Variants in MRAP observed in about 807,000 individuals in gnomAD.
The protein encoded by MRAP is melanocortin 2 receptor accessory protein, also known as melanocortin-2 receptor accessory protein.
MRAP carries 8 observed loss-of-function variants against 8.7 expected under a neutral mutation model. That is an observed-to-expected ratio of 0.92 (90% confidence interval 0.54 to 1.66). The LOEUF is 1.66. Ranked by LOEUF, MRAP falls within the 40% of genes most tolerant of loss-of-function variation. The pLI is 0.00. For synonymous variants in MRAP, 95 were observed against 95.5 expected (o/e 1.00, Z 0.03); for missense variants, 237 against 217.1 (o/e 1.09, Z -0.58).
rs371392500 is a variant in MRAP at position 32,307,311 on chromosome 21, A to T, written c.206+572A>T. On this transcript the variant is annotated intron_variant, in intron 2 of 2. Transcript: ENST00000303645. ...AAAATTAAGCTGGGCGTGGTGGCTC[A>T]CGCCTGTAATCCCAGCACTTTGGGA... Among the ~76,000 whole-genome samples the T allele has an allele frequency of 1.3e-3, 192 of 152,152 alleles. 2 individuals are homozygous for T. Among genetic ancestry groups the T allele is most frequent in the African/African-American group, 4.5e-3 (186 of 41,518 alleles).
rs913105080 is a variant in MRAP, at chr21:32,306,795, C to T, written c.206+56C>T. 2.0e-5 allele frequency: 27 copies of T among 1,361,558 alleles called. 2 individuals carry two copies. The South Asian group carries it at 3.2e-4, about 16-fold the overall frequency. 84.3% of individuals were successfully genotyped at this position (1,361,558 alleles called of 1,614,324 possible). A position where few individuals can be genotyped will look rare whatever the true frequency, so the allele number is the denominator to read the frequency against. On this transcript the variant is annotated intron_variant, in intron 2 of 2. Transcript: ENST00000303645. The stretch of plus-strand genomic sequence containing the variant: ...CACTCAGACGCTCTCCAGTGAGTAA[C>T]AGTGCAGGTTGAGTATCCCTCATCC...
At position 32,312,219 on chromosome 21, in the gene MRAP, C is replaced by G. The variant is rs2032599818; in HGVS notation, c.*223C>G. The G allele has an allele frequency of 6.9e-7, 1 of 1,453,978 alleles. No homozygotes were observed. Among genetic ancestry groups the G allele is most frequent in the South Asian group, 1.4e-5 (1 of 71,286 alleles). The allele number at this position is 1,453,978 out of a possible 1,614,324, so 90.1% of individuals were successfully genotyped here. On this transcript the variant is annotated 3_prime_UTR_variant, in exon 3 of 3. Transcript: ENST00000303645. ...TGCTGAGTTTATTGAGCACACCTAG[C>G]CTGCTTGCTTACTGCTTATATTTGC...
At chr21:32,300,769 GTCATGCCTCCTATGT>G (rs2032266215) in intron 1 of MRAP, among the ~76,000 whole-genome samples, 49 of 146,436 alleles carry the variant, frequency 3.3e-4, no homozygotes, top group Non-Finnish European at 4.3e-4. Flanking sequence ...TGTCAGGGGC[GTCATGCCTCCTATGT>G]CGGATGTGTC....
At chr21:32,311,492 T>C in intron 2 of MRAP, 192 bp from the exon 3 acceptor site, 1 of 490,432 alleles carries the variant, frequency 2.0e-6, no homozygotes, top group East Asian at 5.2e-5. Context: ...GACAAAGCAC[T>C]TCCTCTCCTC....
chr21:32,294,946 AAC>A (rs762413635), upstream of MRAP, among the ~76,000 whole-genome samples: 2 of 152,010 alleles, frequency 1.3e-5, no homozygotes, highest in South Asian at 2.1e-4. Flanking sequence ...TTTTGACACT[AAC>A]AGAAAACATT....
chr21:32,296,681 T>C (rs1455960424), upstream of MRAP, among the ~76,000 whole-genome samples: 1 of 152,144 alleles, frequency 6.6e-6, no homozygotes, highest in African/African-American at 2.4e-5. Context: ...AACACAATGG[T>C]AAGGATTTAT....
chr21:32,298,353 C>T (rs1171036149), upstream of MRAP, among the ~76,000 whole-genome samples: 1 of 151,928 alleles, frequency 6.6e-6, no homozygotes, highest in Non-Finnish European at 1.5e-5. Context: ...TGGAGAGGTG[C>T]ACTCTGTTGG....
rs547003909 is a variant in MRAP at position 32,305,498 on chromosome 21, T to C, written c.107-1142T>C. Among the ~76,000 whole-genome samples, 8 of 152,300 alleles carry C rather than the reference T, an allele frequency of 5.3e-5. No homozygotes were observed. In the East Asian group the frequency reaches 1.2e-3, roughly 22 times the overall value. On this transcript the variant is annotated intron_variant, in intron 1 of 2. Coordinates refer to ENST00000303645, the MANE Select transcript of MRAP (RefSeq NM_001379228.1). Reference sequence around the variant, plus strand: ...CGTTCTCTCATTCATTTACTCACAGTGTTAGTGCTGGAAGCACTGCAGAAG... The same window carrying C: ...CGTTCTCTCATTCATTTACTCACAGCGTTAGTGCTGGAAGCACTGCAGAAG...
At chr21:32,296,795 G>GT (rs1256559656), upstream of MRAP, among the ~76,000 whole-genome samples, 1 of 152,110 alleles carries the variant, frequency 6.6e-6, no homozygotes, top group Non-Finnish European at 1.5e-5. Context: ...TAGTACATCT[G>GT]TATAGGGCCC....
chr21:32,292,113 T>G (rs1317145735), intron 1 of MRAP, among the ~76,000 whole-genome samples: 1 of 151,438 alleles, frequency 6.6e-6, no homozygotes, highest in Non-Finnish European at 1.5e-5. Context: ...TTGATTCAAT[T>G]AAATAATATT....
chr21:32,309,769 C>T lies in MRAP; in HGVS notation c.207-1915C>T, dbSNP rs1254140135. 2.7e-5 allele frequency among the ~76,000 whole-genome samples: 4 copies of T among 150,452 alleles called. No homozygotes were observed. The East Asian group carries it at 8.2e-4, about 31-fold the overall frequency. On this transcript the variant is annotated intron_variant, in intron 2 of 2. Transcript: ENST00000303645. Reference sequence around the variant, plus strand: ...ACTGGCCTGGCCAGCTTGGCGAAACCCTGTCTCTATTAAAAATACAAAAAT... The same window carrying T: ...ACTGGCCTGGCCAGCTTGGCGAAACTCTGTCTCTATTAAAAATACAAAAAT...
intron 2 of MRAP, among the ~76,000 whole-genome samples, chr21:32,307,221 G>C (rs931625480): frequency 6.6e-6 from 1 of 152,146 alleles, no homozygotes; most frequent in African/African-American, 2.4e-5. Context: ...CCTAGGTCTG[G>C]GGGGAGAGCG....
intron 2 of MRAP, among the ~76,000 whole-genome samples, chr21:32,293,659 A>G (rs2032090865): frequency 6.6e-6 from 1 of 152,212 alleles, no homozygotes; most frequent in Non-Finnish European, 1.5e-5. Flanking sequence ...CTCAATCTGT[A>G]GTTGTGATGA....
chr21:32,302,500 TTGGTAAAGAAAA>T (rs1257319582), intron 1 of MRAP, among the ~76,000 whole-genome samples: 31 of 152,228 alleles, frequency 2.0e-4, no homozygotes, highest in African/African-American at 6.8e-4. Flanking sequence ...CTTTGCTGAC[TTGGTAAAGAAAA>T]TGGATTACAA....
intron 1 of MRAP, among the ~76,000 whole-genome samples, chr21:32,300,352 C>T (rs894232122): frequency 3.3e-5 from 5 of 151,970 alleles, no homozygotes; most frequent in Non-Finnish European, 7.4e-5. Context: ...GTCACGCGTC[C>T]TATGTCAGAT....
chr21:32,293,190 G>A (rs376988584), intron 2 of MRAP: 5 of 152,372 alleles, frequency 3.3e-5, no homozygotes, highest in African/African-American at 9.6e-5. Context: ...ATGAACCAAG[G>A]AATGAGGACA....
upstream of MRAP, among the ~76,000 whole-genome samples, chr21:32,294,495 A>G (rs1372738846): frequency 6.6e-6 from 1 of 152,146 alleles, no homozygotes; most frequent in Admixed American, 6.6e-5. Flanking sequence ...GGCTATTCAC[A>G]TATCTTTCTT....
intron 1 of MRAP, 196 bp from the exon 2 acceptor site, chr21:32,306,444 G>A (rs7283121): frequency 0.82 from 529,446 of 642,538 alleles, 219,680 homozygotes; most frequent in Non-Finnish European, 0.86. Context: ...TGAGGAAAAA[G>A]ACACTTCTTG....
chr21:32,311,366 C>T (rs1048767833), intron 2 of MRAP: 1 of 394,174 alleles, frequency 2.5e-6, no homozygotes, highest in South Asian at 4.5e-5. Flanking sequence ...ATGAACTACA[C>T]TCAGATACAG....
Sources: allele counts gnomAD v4.1 joint callset (sites outside exome capture counted in the v4.1 genomes callset), GRCh38; gene constraint gnomAD v4.1.1; transcripts MANE v1.5; gene names NCBI Gene and HGNC (gene_info 2026-07-23, HGNC 2026-07-21).